PIGN: variants seen among roughly 807,000 people sequenced by gnomAD.
PIGN encodes the protein phosphatidylinositol glycan anchor biosynthesis class N, also known as GPI ethanolamine phosphate transferase 1.
PIGN carries 117 observed loss-of-function variants against 125.4 expected under a neutral mutation model. The ratio of observed to expected loss-of-function variants is 0.93; its 90% CI spans 0.80 to 1.09. PIGN has a LOEUF of 1.09. Among genes scored for constraint, PIGN ranks in the 50% least tolerant of loss-of-function variants. The pLI, the probability that PIGN is intolerant of heterozygous loss-of-function variation, is 0.00. For synonymous variants in PIGN, 392 were observed against 377.8 expected (o/e 1.04, Z -0.44); for missense variants, 1,075 against 1,094.9 (o/e 0.98, Z 0.26).
intron 30 of PIGN, among the ~76,000 whole-genome samples, chr18:62,060,384 C>T (rs772288004): frequency 4.6e-5 from 7 of 152,036 alleles, no homozygotes; most frequent in Non-Finnish European, 8.8e-5. Context: ...ACAATGGTGA[C>T]AAAATGTTGA....
intron 16 of PIGN, among the ~76,000 whole-genome samples, chr18:62,110,887 A>T (rs950318715): frequency 3.4e-5 from 5 of 147,820 alleles, no homozygotes; most frequent in East Asian, 2.0e-4. Context: ...ATGTATATAT[A>T]TTATATATAT....
In PIGN at chr18:62,154,621, C is replaced by A. The variant is rs767550839; in HGVS notation, c.473G>T (p.Ser158Ile). ...AAAATCCTCTCTTTTAGCATCATAA[C>A]TATATGTATAAACGTGGTCTCCACT... ...GASGDHVYTY[S>I]YDAKREDFGA... Residue 158 changes from serine (S) to isoleucine (I), a missense_variant, in exon 7 of 31, where the codon AGT becomes ATT. Coordinates refer to ENST00000640252, the MANE Select transcript of PIGN (RefSeq NM_176787.5). 1.3e-6 allele frequency: 2 copies of A among 1,574,610 alleles called. No individual in the cohort carries two copies. The highest frequency in any genetic ancestry group is 3.3e-5 in the Admixed American group (2 of 59,768).
intron 23 of PIGN, among the ~76,000 whole-genome samples, chr18:62,026,108 A>T (rs1242186837): frequency 6.6e-6 from 1 of 152,212 alleles, no homozygotes; most frequent in East Asian, 1.9e-4. Flanking sequence ...TAGCTCAGTT[A>T]TTCCTTTATA....
At chr18:62,139,316 G>C (rs1212772073) in intron 12 of PIGN, among the ~76,000 whole-genome samples, 5 of 152,214 alleles carry the variant, frequency 3.3e-5, no homozygotes, top group Non-Finnish European at 4.4e-5. Context: ...ACCTGGCATT[G>C]GCTGAGAGAT....
chr18:62,119,669 C>A (rs922121918), intron 14 of PIGN, among the ~76,000 whole-genome samples: 1 of 151,928 alleles, frequency 6.6e-6, no homozygotes, highest in Admixed American at 6.6e-5. Flanking sequence ...CATGGTGAAA[C>A]CCAGTCTCTA....
chr18:62,186,038 T>A (rs1315000469), intron 1 of PIGN, among the ~76,000 whole-genome samples: 1 of 138,912 alleles, frequency 7.2e-6, no homozygotes, highest in Non-Finnish European at 1.5e-5. Context: ...ATTAGCGGAA[T>A]TGATTTTTTT....
At chr18:62,111,299 C>A (rs2034869024) in intron 16 of PIGN, among the ~76,000 whole-genome samples, 1 of 152,000 alleles carries the variant, frequency 6.6e-6, no homozygotes, top group Non-Finnish European at 1.5e-5. Context: ...AACAGTGGGG[C>A]TCAATACATA....
At chr18:62,094,359 G>C (rs1270392244) in intron 23 of PIGN, among the ~76,000 whole-genome samples, 1 of 152,094 alleles carries the variant, frequency 6.6e-6, no homozygotes, top group Non-Finnish European at 1.5e-5. Flanking sequence ...GGCCTATTAA[G>C]AGACTGTACA....
chr18:62,098,490 G>A (rs1013179054), intron 22 of PIGN, among the ~76,000 whole-genome samples: 1 of 152,144 alleles, frequency 6.6e-6, no homozygotes, highest in Non-Finnish European at 1.5e-5. Context: ...CTGTAAAACT[G>A]TACACATTTT....
intron 23 of PIGN, among the ~76,000 whole-genome samples, chr18:62,018,578 C>T (rs541934783): frequency 4.8e-4 from 73 of 152,262 alleles, no homozygotes; most frequent in African/African-American, 1.8e-3. Flanking sequence ...TGTTACATAC[C>T]TTTACCTTGT....
At chr18:62,085,375 T>C in intron 25 of PIGN, 111 bp from the exon 26 acceptor site, 1 of 726,460 alleles carries the variant, frequency 1.4e-6, no homozygotes, top group Non-Finnish European at 2.4e-6. Flanking sequence ...CTTTTACTTG[T>C]ACCATGAATT....
chr18:62,021,255 C>T lies in PIGN; in HGVS notation c.2143-3514G>A, dbSNP rs376326906. Among the ~76,000 whole-genome samples, 23 of 152,252 alleles carry T rather than the reference C, an allele frequency of 1.5e-4. 3 individuals carry two copies. Among genetic ancestry groups the T allele is most frequent in the Admixed American group, 8.5e-4 (13 of 15,300 alleles). ...CGCCAAACAGAGAACAAACCAAATGCCCATTAACAGATGGATAGATACACA... is the reference window on the plus strand; with the variant it reads ...CGCCAAACAGAGAACAAACCAAATGTCCATTAACAGATGGATAGATACACA... On this transcript the variant is annotated intron_variant, in intron 23 of 24. Coordinates refer to the PIGN transcript ENST00000639600.
intron 30 of PIGN, among the ~76,000 whole-genome samples, chr18:62,070,677 G>T (rs1261209637): frequency 6.6e-6 from 1 of 151,916 alleles, no homozygotes; most frequent in East Asian, 1.9e-4. Context: ...AAGGCAAAAG[G>T]GTCAATTTTG....
At chr18:62,092,273 T>G (rs1334997803) in intron 23 of PIGN, among the ~76,000 whole-genome samples, 2 of 152,114 alleles carry the variant, frequency 1.3e-5, no homozygotes, top group Non-Finnish European at 2.9e-5. Flanking sequence ...AAAATGGAAA[T>G]ACCAAATACT....
At chr18:62,105,425 A>G in intron 20 of PIGN, 118 bp downstream of exon 20, 1 of 644,050 alleles carries the variant, frequency 1.6e-6, no homozygotes, top group South Asian at 2.2e-5. Flanking sequence ...GGTATTTTAA[A>G]TTCCCGTTAG....
At chr18:62,183,863 C>T (rs1379516252) in intron 1 of PIGN, among the ~76,000 whole-genome samples, 3 of 151,668 alleles carry the variant, frequency 2.0e-5, no homozygotes, top group East Asian at 1.9e-4. Context: ...AAAACTAAAC[C>T]TTTTATGATA....
chr18:62,159,470 C>A (rs1450837081), intron 4 of PIGN, among the ~76,000 whole-genome samples: 1 of 152,192 alleles, frequency 6.6e-6, no homozygotes, highest in East Asian at 1.9e-4. Flanking sequence ...AAGTATATTT[C>A]TCTCTTTCCT....
At chr18:62,178,717 T>G (rs945741383) in intron 1 of PIGN, among the ~76,000 whole-genome samples, 33 of 152,144 alleles carry the variant, frequency 2.2e-4, no homozygotes, top group African/African-American at 7.5e-4. Context: ...ATTTGCTTAT[T>G]ATTCTGGGGT....
At chr18:62,037,845 C>T (rs1334160305), downstream of PIGN, among the ~76,000 whole-genome samples, 1 of 152,146 alleles carries the variant, frequency 6.6e-6, no homozygotes, top group Non-Finnish European at 1.5e-5. Context: ...TCTGGCCTAG[C>T]ACTAGTGGTT....
Sources: allele counts gnomAD v4.1 joint callset (sites outside exome capture counted in the v4.1 genomes callset), GRCh38; gene constraint gnomAD v4.1.1; transcripts MANE v1.5; gene names NCBI Gene and HGNC (gene_info 2026-07-23, HGNC 2026-07-21).